PDSS2: variants seen among roughly 807,000 people sequenced by gnomAD.
The protein encoded by PDSS2 is all trans-polyprenyl-diphosphate synthase PDSS2.
Under a neutral mutation model 44.5 loss-of-function variants are expected in PDSS2, and 31 were observed. The ratio of observed to expected loss-of-function variants is 0.70; its 90% CI spans 0.52 to 0.94. The LOEUF is 0.94. PDSS2 is among the 40% of genes least tolerant of loss of function. The pLI is 0.00. For missense variants in PDSS2, 452 were observed against 482.2 expected (o/e 0.94, Z 0.59); for synonymous variants, 157 against 180.3 (o/e 0.87, Z 1.03).
chr6:107,192,951 G>C (rs1297605771), intron 7 of PDSS2, among the ~76,000 whole-genome samples: 1 of 152,126 alleles, frequency 6.6e-6, no homozygotes, highest in Non-Finnish European at 1.5e-5. Context: ...GCCCTTCTGG[G>C]TCATGTTTCT....
chr6:107,279,448 G>C (rs571102516), intron 2 of PDSS2, among the ~76,000 whole-genome samples: 53 of 152,288 alleles, frequency 3.5e-4, no homozygotes, highest in Non-Finnish European at 5.9e-4. Flanking sequence ...GGAAGGTCAA[G>C]TTGTTTGAAT....
At chr6:107,334,016 G>C (rs1777794177) in intron 2 of PDSS2, among the ~76,000 whole-genome samples, 182 bp downstream of exon 2, 1 of 152,146 alleles carries the variant, frequency 6.6e-6, no homozygotes, top group South Asian at 2.1e-4. Flanking sequence ...ATTTACCAGA[G>C]TTATGTGTAG....
intron 1 of PDSS2, among the ~76,000 whole-genome samples, chr6:107,340,813 T>C (rs1178069924): frequency 2.0e-5 from 3 of 152,072 alleles, no homozygotes; most frequent in African/African-American, 4.8e-5. Context: ...AAGAAATAGA[T>C]AAGCAGTGAC....
At chr6:107,265,987 C>T (rs1391673261) in intron 3 of PDSS2, among the ~76,000 whole-genome samples, 1 of 151,462 alleles carries the variant, frequency 6.6e-6, no homozygotes, top group African/African-American at 2.4e-5. Context: ...TACACTACTA[C>T]TTCAAAGAAA....
chr6:107,355,276 G>T (rs554588382), intron 1 of PDSS2, among the ~76,000 whole-genome samples: 1 of 152,088 alleles, frequency 6.6e-6, no homozygotes, highest in Non-Finnish European at 1.5e-5. Context: ...TTCATTGTGT[G>T]TAACAATCCA....
At chr6:107,293,022 G>C (rs895834942) in intron 2 of PDSS2, among the ~76,000 whole-genome samples, 1 of 152,198 alleles carries the variant, frequency 6.6e-6, no homozygotes, top group Non-Finnish European at 1.5e-5. Flanking sequence ...GTATCAATTC[G>C]GTTTATCAGA....
chr6:107,179,376 GT>G (rs1415740495), intron 7 of PDSS2, among the ~76,000 whole-genome samples: 1 of 151,936 alleles, frequency 6.6e-6, no homozygotes, highest in Non-Finnish European at 1.5e-5. Flanking sequence ...TGCCTCCCGG[GT>G]TCAAGCGATT....
chr6:107,371,174 C>G (rs1562494201), intron 1 of PDSS2, among the ~76,000 whole-genome samples: 1 of 77,894 alleles, frequency 1.3e-5, no homozygotes, highest in African/African-American at 4.2e-5. Flanking sequence ...GAGCAAAACT[C>G]TGTCTCAAAG....
intron 1 of PDSS2, among the ~76,000 whole-genome samples, chr6:107,378,631 C>T (rs1158426988): frequency 2.0e-5 from 3 of 151,962 alleles, no homozygotes; most frequent in Admixed American, 6.6e-5. Flanking sequence ...ACTAAAAGTA[C>T]AAAAATTAGC....
In PDSS2 at chr6:107,154,219, C is replaced by A; in HGVS notation, c.*400G>T. 3.8e-6 allele frequency: 1 copy of A among 265,530 alleles called. No individual in the cohort carries two copies. The allele number at this position is 265,530 out of a possible 1,614,324, so 16.4% of individuals were successfully genotyped here. ...AATCCTCCCTGGTTGGTATTGAGAG[C>A]ATTTCTCTTGACACCTGCAGCTTCC... On this transcript the variant is annotated 3_prime_UTR_variant, in exon 8 of 8. Transcript: ENST00000369037.
chr6:107,381,234 A>G (rs922550525), intron 1 of PDSS2, among the ~76,000 whole-genome samples: 2 of 152,178 alleles, frequency 1.3e-5, no homozygotes, highest in African/African-American at 2.4e-5. Flanking sequence ...AACCTCCATA[A>G]TAAGGCTGGA....
At position 107,212,279 on chromosome 6, in the gene PDSS2, T is replaced by G. The variant is rs1469424820; in HGVS notation, c.706A>C (p.Ser236Arg). 1.2e-6 allele frequency: 2 copies of G among 1,609,482 alleles called. No individual in the cohort carries two copies. The highest frequency in any genetic ancestry group is 2.2e-5 in the South Asian group (2 of 90,200). ...ATTCCAATATCATCTGTGATATAAC[T>G]TTCCTAAAAATGTAACAAAAGCCAA... ...VYHENSTSKE[S>R]YITDDIGIST... The change falls in exon 5 of 8, where the codon AGT becomes CGT. Residue 236 changes from serine to arginine, a missense_variant. By Grantham distance (110) the Ser-to-Arg change is moderately radical. Transcript: ENST00000369037.
At chr6:107,254,517 T>C (rs577061762) in intron 3 of PDSS2, among the ~76,000 whole-genome samples, 4 of 152,306 alleles carry the variant, frequency 2.6e-5, no homozygotes, top group African/African-American at 9.6e-5. Context: ...AAACTGATTA[T>C]CATATAGCAG....
chr6:107,397,889 TA>T (rs1779997745), intron 1 of PDSS2, among the ~76,000 whole-genome samples: 1 of 152,134 alleles, frequency 6.6e-6, no homozygotes, highest in Non-Finnish European at 1.5e-5. Flanking sequence ...TATCATAAAA[TA>T]AAACGTCAAT....
intron 1 of PDSS2, among the ~76,000 whole-genome samples, chr6:107,408,433 C>T (rs147050480): frequency 6.8e-4 from 104 of 152,296 alleles, no homozygotes; most frequent in Non-Finnish European, 1.2e-3. Context: ...CCTTTGTTGT[C>T]CCAAGGACAT....
intron 7 of PDSS2, among the ~76,000 whole-genome samples, chr6:107,172,567 A>G (rs1771617689): frequency 6.6e-6 from 1 of 152,096 alleles, no homozygotes; most frequent in South Asian, 2.1e-4. Context: ...AAAATACATA[A>G]ATAAATAATA....
chr6:107,220,636 A>G (rs932292519), intron 4 of PDSS2, among the ~76,000 whole-genome samples: 1 of 152,132 alleles, frequency 6.6e-6, no homozygotes, highest in Non-Finnish European at 1.5e-5. Flanking sequence ...TGTGATTAAG[A>G]CTTTATTATT....
chr6:107,249,553 C>G (rs1774742263), intron 3 of PDSS2, among the ~76,000 whole-genome samples: 1 of 152,138 alleles, frequency 6.6e-6, no homozygotes, highest in South Asian at 2.1e-4. Flanking sequence ...TTTCTGGTGA[C>G]TGCGAGAATA....
In PDSS2 at chr6:107,424,472, T is replaced by C. The variant is rs147152440; in HGVS notation, c.296+34518A>G. ...ACAGTAGTGAGTCAATAAACATTTG[T>C]TGATCAACTATAACACAAGTAAACC... is the stretch of plus-strand genomic sequence containing the variant. On this transcript the variant is annotated intron_variant, in intron 1 of 7. Coordinates refer to ENST00000369037, the MANE Select transcript of PDSS2 (RefSeq NM_020381.4). Among the ~76,000 whole-genome samples the C allele has an allele frequency of 6.6e-5, 10 of 152,346 alleles. No homozygotes were observed. In the East Asian group the frequency reaches 1.9e-3, roughly 29 times the overall value.
Sources: gnomAD v4.1 joint callset for allele counts (sites outside exome capture counted in the v4.1 genomes callset) on GRCh38, gnomAD v4.1.1 for gene constraint, MANE v1.5 for transcripts, NCBI Gene and HGNC (gene_info 2026-07-23, HGNC 2026-07-21) for gene names.